Variants in IMMP2L observed in about 807,000 individuals in gnomAD.
IMMP2L encodes mitochondrial inner membrane protease subunit 2.
IMMP2L carries 18 observed loss-of-function variants against 19.3 expected under a neutral mutation model. The ratio of observed to expected loss-of-function variants is 0.93; its 90% CI spans 0.64 to 1.38. IMMP2L has a LOEUF of 1.38. Among genes scored for constraint, IMMP2L ranks in the 40% most tolerant of loss-of-function variants. IMMP2L has a pLI of 0.00. For missense variants in IMMP2L, 233 were observed against 218.2 expected, an observed-to-expected ratio of 1.07 and a Z score of -0.43; for synonymous variants, 76 against 73.0, an observed-to-expected ratio of 1.04 and a Z score of -0.21.
intron 5 of IMMP2L, among the ~76,000 whole-genome samples, chr7:110,798,173 GA>G (rs1010269166): frequency 6.0e-5 from 9 of 151,054 alleles, no homozygotes; most frequent in South Asian, 2.1e-4. Flanking sequence ...ACAATTACAG[GA>G]AAAAAAAGAA....
intron 3 of IMMP2L, among the ~76,000 whole-genome samples, chr7:111,264,175 CA>C (rs1462630712): frequency 2.0e-5 from 3 of 152,058 alleles, no homozygotes; most frequent in Non-Finnish European, 1.5e-5. Flanking sequence ...CACAGAAAAT[CA>C]GGGGGAAAAG....
chr7:111,093,356 T>C (rs1195360285), intron 3 of IMMP2L, among the ~76,000 whole-genome samples: 2 of 152,186 alleles, frequency 1.3e-5, no homozygotes, highest in Non-Finnish European at 2.9e-5. Flanking sequence ...TTATTAAAAG[T>C]GCTGCTTTTG....
chr7:111,396,658 A>C (rs1339636035), intron 3 of IMMP2L, among the ~76,000 whole-genome samples: 1 of 152,158 alleles, frequency 6.6e-6, no homozygotes, highest in Admixed American at 6.5e-5. Flanking sequence ...CCAGAACTTA[A>C]AGTAAAATAA....
At chr7:110,706,527 G>T (rs1025686753) in intron 5 of IMMP2L, among the ~76,000 whole-genome samples, 3 of 152,150 alleles carry the variant, frequency 2.0e-5, no homozygotes, top group African/African-American at 7.2e-5. Flanking sequence ...TCTGTTGTTT[G>T]ACTTCACAAT....
intron 3 of IMMP2L, among the ~76,000 whole-genome samples, chr7:111,014,334 A>G (rs1825274803): frequency 2.0e-5 from 3 of 152,050 alleles, no homozygotes. Flanking sequence ...CAGCTTTGGC[A>G]GGAGAGTGAG....
intron 5 of IMMP2L, among the ~76,000 whole-genome samples, chr7:110,839,608 A>G (rs1474277134): frequency 6.6e-6 from 1 of 152,128 alleles, no homozygotes; most frequent in Non-Finnish European, 1.5e-5. Flanking sequence ...TTAAGCACAT[A>G]AATGCTTAAA....
intron 3 of IMMP2L, among the ~76,000 whole-genome samples, chr7:111,066,805 A>G (rs534130991): frequency 2.0e-5 from 3 of 152,326 alleles, no homozygotes. Flanking sequence ...AATATGAATT[A>G]CGGTAGGGCC....
At chr7:110,723,763 T>C (rs1398132414) in intron 5 of IMMP2L, among the ~76,000 whole-genome samples, 1 of 151,652 alleles carries the variant, frequency 6.6e-6, no homozygotes, top group African/African-American at 2.4e-5. Context: ...GGTAATGATA[T>C]AGATATGCCA....
At chr7:111,062,934 T>C (rs1328448261) in intron 3 of IMMP2L, among the ~76,000 whole-genome samples, 23 of 152,222 alleles carry the variant, frequency 1.5e-4, no homozygotes, top group Admixed American at 1.5e-3. Flanking sequence ...CTGCGGCTTT[T>C]CCAGGCACAT....
intron 3 of IMMP2L, among the ~76,000 whole-genome samples, chr7:110,979,777 C>A (rs1247826012): frequency 6.6e-6 from 1 of 152,004 alleles, no homozygotes; most frequent in Non-Finnish European, 1.5e-5. Flanking sequence ...CTAACAGACA[C>A]CTCAAGGTGG....
chr7:110,835,148 G>GA (rs1804323795), intron 5 of IMMP2L, among the ~76,000 whole-genome samples: 1 of 151,868 alleles, frequency 6.6e-6, no homozygotes, highest in Non-Finnish European at 1.5e-5. Flanking sequence ...CTCAGAGCAG[G>GA]AAAAAATGTT....
chr7:111,021,883 AAAAC>A (rs35897140), intron 3 of IMMP2L, among the ~76,000 whole-genome samples: 104,395 of 150,300 alleles, frequency 0.69, 36,873 homozygotes, highest in African/African-American at 0.78. Context: ...ACTCCATATC[AAAAC>A]AAACAAACAA....
In IMMP2L at chr7:111,149,128, C is replaced by T. The variant is rs147507492; in HGVS notation, c.240-185563G>A. Among the ~76,000 whole-genome samples the T allele has an allele frequency of 1.2e-4, 19 of 152,126 alleles. No individual in the cohort carries two copies. In the East Asian group the frequency reaches 3.7e-3, roughly 29 times the overall value. The stretch of plus-strand genomic sequence containing the variant: ...TTATGTTGAAGACATCACAAATATA[C>T]AACACAGAGAAGATAAAATAAAACA... On this transcript the variant is annotated intron_variant, in intron 3 of 5. Coordinates refer to ENST00000405709, the MANE Select transcript of IMMP2L (RefSeq NM_032549.4).
intron 3 of IMMP2L, among the ~76,000 whole-genome samples, chr7:111,439,368 TCA>T (rs1837495635): frequency 6.6e-6 from 1 of 151,728 alleles, no homozygotes; most frequent in Non-Finnish European, 1.5e-5. Context: ...AAACTGGTAC[TCA>T]CACATTACAT....
At chr7:110,863,793 G>A (rs1449155245) in intron 5 of IMMP2L, among the ~76,000 whole-genome samples, 1 of 152,066 alleles carries the variant, frequency 6.6e-6, no homozygotes, top group Non-Finnish European at 1.5e-5. Flanking sequence ...TTCAATGTAC[G>A]ATATTTTCAG....
rs199511089 is a variant in IMMP2L, at chr7:111,500,777, G to A, written c.136-13436C>T. Among the ~76,000 whole-genome samples, 81 of 152,242 alleles carry A rather than the reference G, an allele frequency of 5.3e-4. 2 individuals carry two copies. In the East Asian group the frequency reaches 0.013, roughly 24 times the overall value. ...AGCTGAGGGTCCTGTCTGTTAGAAG[G>A]AAAACTAACAAACAGAAAGGACATC... is the stretch of plus-strand genomic sequence containing the variant. On this transcript the variant is annotated intron_variant, in intron 2 of 5. Coordinates refer to ENST00000405709, the MANE Select transcript of IMMP2L (RefSeq NM_032549.4).
intron 3 of IMMP2L, among the ~76,000 whole-genome samples, chr7:111,323,649 C>G (rs1444264474): frequency 6.6e-6 from 1 of 152,018 alleles, no homozygotes; most frequent in African/African-American, 2.4e-5. Context: ...GGGTATATAC[C>G]CAAAGGACTA....
chr7:111,169,896 T>C (rs771180260), intron 3 of IMMP2L, among the ~76,000 whole-genome samples: 4 of 151,926 alleles, frequency 2.6e-5, no homozygotes, highest in Non-Finnish European at 5.9e-5. Context: ...TCTTCTTTTA[T>C]TGTCTCCTTT....
intron 5 of IMMP2L, among the ~76,000 whole-genome samples, chr7:110,742,306 C>T (rs1367163341): frequency 2.0e-5 from 3 of 152,050 alleles, no homozygotes; most frequent in South Asian, 2.1e-4. Context: ...GTTTATATAT[C>T]GTAAGTAAAC....
Sources: allele counts gnomAD v4.1 joint callset (sites outside exome capture counted in the v4.1 genomes callset), GRCh38; gene constraint gnomAD v4.1.1; transcripts MANE v1.5; gene names NCBI Gene and HGNC (gene_info 2026-07-23, HGNC 2026-07-21).